MYO1D: variants seen among roughly 807,000 people sequenced by gnomAD.
MYO1D encodes unconventional myosin-Id.
MYO1D carries 83 observed loss-of-function variants against 122.0 expected under a neutral mutation model. The ratio of observed to expected loss-of-function variants is 0.68; its 90% CI spans 0.57 to 0.82. The LOEUF is 0.82. Among genes scored for constraint, MYO1D ranks in the 40% least tolerant of loss-of-function variants. MYO1D has a pLI of 0.00. For missense variants in MYO1D, 1,157 were observed against 1,269.5 expected (o/e 0.91, Z 1.35); for synonymous variants, 464 against 446.9 (o/e 1.04, Z -0.48).
intron 19 of MYO1D, among the ~76,000 whole-genome samples, chr17:32,646,204 T>C (rs1026154721): frequency 1.3e-5 from 2 of 152,202 alleles, no homozygotes; most frequent in African/African-American, 4.8e-5. Flanking sequence ...CAAAATACTT[T>C]TAACTATGAA....
At chr17:32,748,535 T>C (rs1309060520) in intron 12 of MYO1D, among the ~76,000 whole-genome samples, 1 of 152,196 alleles carries the variant, frequency 6.6e-6, no homozygotes, top group Non-Finnish European at 1.5e-5. Context: ...TTTAACTGTT[T>C]CCATTCTTCA....
intron 1 of MYO1D, among the ~76,000 whole-genome samples, chr17:32,821,788 G>A (rs1437331801): frequency 6.6e-6 from 1 of 152,208 alleles, no homozygotes; most frequent in African/African-American, 2.4e-5. Flanking sequence ...CAGGGATTAG[G>A]TTGTGGACAT....
intron 11 of MYO1D, among the ~76,000 whole-genome samples, chr17:32,755,206 G>C (rs976478771): frequency 6.6e-6 from 1 of 152,164 alleles, no homozygotes; most frequent in African/African-American, 2.4e-5. Context: ...GGTTACAAAT[G>C]ACATCATGCT....
At chr17:32,605,709 C>A (rs2087619301) in intron 20 of MYO1D, among the ~76,000 whole-genome samples, 1 of 151,974 alleles carries the variant, frequency 6.6e-6, no homozygotes, top group African/African-American at 2.4e-5. Flanking sequence ...CTCTATAGAC[C>A]ACACAGACAT....
At chr17:32,706,232 G>C (rs1288156074) in intron 16 of MYO1D, among the ~76,000 whole-genome samples, 5 of 152,124 alleles carry the variant, frequency 3.3e-5, no homozygotes, top group Non-Finnish European at 7.4e-5. Context: ...TCAGCCTCCT[G>C]AGTAGCTGGG....
chr17:32,738,448 A>C (rs1405470943), intron 13 of MYO1D, 63 bp from the exon 14 acceptor site: 2 of 1,457,328 alleles, frequency 1.4e-6, no homozygotes, highest in Non-Finnish European at 1.8e-6. Context: ...AAAACTGATA[A>C]GCAATTCTGC....
intron 21 of MYO1D, among the ~76,000 whole-genome samples, chr17:32,539,570 C>T (rs1013131728): frequency 2.0e-5 from 3 of 152,158 alleles, no homozygotes; most frequent in Admixed American, 6.5e-5. Flanking sequence ...TGCCAGCACT[C>T]CTTGACTTGT....
At chr17:32,822,787 C>G (rs1261844216) in intron 1 of MYO1D, among the ~76,000 whole-genome samples, 4 of 151,702 alleles carry the variant, frequency 2.6e-5, no homozygotes, top group Non-Finnish European at 5.9e-5. Context: ...CCCGGCCGAC[C>G]TCCGCTCGCG....
intron 1 of MYO1D, among the ~76,000 whole-genome samples, chr17:32,827,846 C>G (rs575490965): frequency 6.6e-6 from 1 of 152,208 alleles, no homozygotes; most frequent in Admixed American, 6.5e-5. Context: ...CTCACTTAAG[C>G]AGAAAAATAT....
chr17:32,832,770 G>A (rs1337208801), intron 1 of MYO1D, among the ~76,000 whole-genome samples: 1 of 152,220 alleles, frequency 6.6e-6, no homozygotes, highest in East Asian at 1.9e-4. Context: ...ATTTTTAAAC[G>A]AAAAGTAAAT....
At chr17:32,630,324 A>G (rs2087987158) in intron 20 of MYO1D, among the ~76,000 whole-genome samples, 1 of 152,158 alleles carries the variant, frequency 6.6e-6, no homozygotes, top group South Asian at 2.1e-4. Flanking sequence ...TTGGCCTCCC[A>G]AAGTGCTGGG....
chr17:32,549,400 A>G (rs1419409855), intron 21 of MYO1D, among the ~76,000 whole-genome samples: 2 of 152,102 alleles, frequency 1.3e-5, no homozygotes, highest in Non-Finnish European at 2.9e-5. Flanking sequence ...CCTCCCTCTT[A>G]ATCGTTTGTT....
At chr17:32,854,790 A>G (rs182380192) in intron 1 of MYO1D, among the ~76,000 whole-genome samples, 22 of 152,342 alleles carry the variant, frequency 1.4e-4, no homozygotes, top group Admixed American at 1.3e-3. Context: ...TAGGCACAAT[A>G]AAGTCCGTAA....
At chr17:32,515,495 T>C (rs1909858645) in intron 21 of MYO1D, among the ~76,000 whole-genome samples, 2 of 152,208 alleles carry the variant, frequency 1.3e-5, no homozygotes, top group Non-Finnish European at 2.9e-5. Flanking sequence ...TCTCGCTTTG[T>C]TGCCCAGGCT....
intron 1 of MYO1D, among the ~76,000 whole-genome samples, chr17:32,817,833 A>G (rs1179578915): frequency 6.6e-6 from 1 of 152,202 alleles, no homozygotes. Flanking sequence ...GGAGACTTTA[A>G]GAGGTAGTAG....
chr17:32,849,989 C>T (rs1312668991), intron 1 of MYO1D, among the ~76,000 whole-genome samples: 1 of 151,644 alleles, frequency 6.6e-6, no homozygotes, highest in Non-Finnish European at 1.5e-5. Flanking sequence ...TTTAGAAACT[C>T]TCCTCACTAA....
chr17:32,569,553 T>A (rs1295109229), intron 21 of MYO1D, among the ~76,000 whole-genome samples: 1 of 152,172 alleles, frequency 6.6e-6, no homozygotes, highest in Non-Finnish European at 1.5e-5. Context: ...TGCCCCAGAC[T>A]GAGACTGGGA....
At chr17:32,742,486 A>G (rs990751371) in intron 13 of MYO1D, among the ~76,000 whole-genome samples, 1 of 152,224 alleles carries the variant, frequency 6.6e-6, no homozygotes, top group African/African-American at 2.4e-5. Context: ...GTACATTCAC[A>G]AAGTTAACAA....
chr17:32,732,887 C>T (rs1021271937), intron 14 of MYO1D, among the ~76,000 whole-genome samples: 1 of 152,222 alleles, frequency 6.6e-6, no homozygotes, highest in African/African-American at 2.4e-5. Flanking sequence ...CTCTTTGGGG[C>T]TCTGCAGTTC....
Sources: allele counts gnomAD v4.1 joint callset (sites outside exome capture counted in the v4.1 genomes callset), GRCh38; gene constraint gnomAD v4.1.1; transcripts MANE v1.5; gene names NCBI Gene and HGNC (gene_info 2026-07-23, HGNC 2026-07-21).